The following PLCL1 variants were observed in gnomAD, a reference collection of about 807,000 sequenced individuals.
The protein encoded by PLCL1 is inactive phospholipase C-like protein 1.
Under a neutral mutation model 84.4 loss-of-function variants are expected in PLCL1, and 41 were observed. The observed-to-expected ratio is 0.49, with a 90% CI of 0.38 to 0.63. The LOEUF is 0.63. Among genes scored for constraint, PLCL1 ranks in the 30% least tolerant of loss-of-function variants. The pLI, the probability that PLCL1 is intolerant of heterozygous loss-of-function variation, is 0.00. For synonymous variants in PLCL1, 490 were observed against 488.3 expected (o/e 1.00, Z -0.05); for missense variants, 1,206 against 1,367.8 (o/e 0.88, Z 1.87).
intron 1 of PLCL1, among the ~76,000 whole-genome samples, chr2:198,019,452 A>G (rs541141371): frequency 7.9e-5 from 12 of 152,310 alleles, no homozygotes; most frequent in Non-Finnish European, 1.6e-4. Context: ...CTAAACAAGC[A>G]TGCTCTAACC....
At chr2:198,116,349 T>C (rs1693747863) in intron 5 of PLCL1, among the ~76,000 whole-genome samples, 1 of 151,782 alleles carries the variant, frequency 6.6e-6, no homozygotes, top group Admixed American at 6.6e-5. Flanking sequence ...TTTTGTAAAA[T>C]GATTTTGTAC....
chr2:198,138,444 G>A (rs1335055376), intron 5 of PLCL1, among the ~76,000 whole-genome samples: 1 of 151,922 alleles, frequency 6.6e-6, no homozygotes, highest in Non-Finnish European at 1.5e-5. Flanking sequence ...GCAACACCAG[G>A]GTTTACAATT....
intron 1 of PLCL1, among the ~76,000 whole-genome samples, chr2:197,918,389 C>T (rs528482982): frequency 1.3e-5 from 2 of 151,918 alleles, no homozygotes; most frequent in East Asian, 1.9e-4. Context: ...AGAAAGAGGG[C>T]GTTAGGCAAA....
At chr2:198,128,612 C>T (rs968800795) in intron 5 of PLCL1, among the ~76,000 whole-genome samples, 1 of 152,086 alleles carries the variant, frequency 6.6e-6, no homozygotes, top group African/African-American at 2.4e-5. Context: ...AGTGCAGGGT[C>T]TGCAAAACTT....
chr2:198,115,796 G>A (rs1278799492), intron 5 of PLCL1, among the ~76,000 whole-genome samples: 2 of 151,534 alleles, frequency 1.3e-5, no homozygotes, highest in Non-Finnish European at 3.0e-5. Context: ...CAGTATGGGG[G>A]AAACCACCCC....
intron 1 of PLCL1, among the ~76,000 whole-genome samples, chr2:197,953,137 C>G (rs1027343116): frequency 6.6e-6 from 1 of 152,046 alleles, no homozygotes; most frequent in East Asian, 1.9e-4. Flanking sequence ...AGATAACATA[C>G]AGAGAAGTTA....
intron 1 of PLCL1, among the ~76,000 whole-genome samples, chr2:197,916,042 G>A (rs1345351136): frequency 6.6e-6 from 1 of 152,208 alleles, no homozygotes; most frequent in Non-Finnish European, 1.5e-5. Context: ...ACTTGGAGAT[G>A]TTGAAACCTT....
chr2:198,128,241 G>A (rs1360450870), intron 5 of PLCL1, among the ~76,000 whole-genome samples: 1 of 152,130 alleles, frequency 6.6e-6, no homozygotes, highest in African/African-American at 2.4e-5. Flanking sequence ...AGGCCATGAT[G>A]GGAACCTGAT....
chr2:197,942,496 C>G (rs1329893050), intron 1 of PLCL1, among the ~76,000 whole-genome samples: 1 of 152,132 alleles, frequency 6.6e-6, no homozygotes, highest in Middle Eastern at 3.2e-3. Flanking sequence ...GCTAATTTCC[C>G]CCTGTAATTA....
intron 1 of PLCL1, among the ~76,000 whole-genome samples, chr2:197,874,924 C>A (rs1687708726): frequency 1.3e-5 from 2 of 152,036 alleles, no homozygotes; most frequent in South Asian, 4.1e-4. Context: ...TGAACTATAG[C>A]CATGTTCAAC....
intron 1 of PLCL1, among the ~76,000 whole-genome samples, chr2:197,896,645 G>A (rs1383503875): frequency 6.6e-6 from 1 of 152,000 alleles, no homozygotes; most frequent in African/African-American, 2.4e-5. Context: ...AGATCGACGT[G>A]GTTTTGGTAC....
chr2:197,846,363 G>T (rs1430458275), intron 1 of PLCL1, among the ~76,000 whole-genome samples: 2 of 152,122 alleles, frequency 1.3e-5, no homozygotes, highest in Non-Finnish European at 2.9e-5. Flanking sequence ...TGTTTAGGAG[G>T]CTCTGTATAG....
rs544950818 is a variant in PLCL1 at position 197,929,675 on chromosome 2, G to A, written c.240+124336G>A. 3.3e-5 allele frequency among the ~76,000 whole-genome samples: 5 copies of A among 152,214 alleles called. No homozygotes were observed. The South Asian group carries it at 8.3e-4, about 25-fold the overall frequency. ...TGTTTTGATTTTAGAACAGAGTACT[G>A]GACAGCTTCACATTTGGATTCTGGG... On this transcript the variant is annotated intron_variant, in intron 1 of 5. Coordinates refer to ENST00000428675, the MANE Select transcript of PLCL1 (RefSeq NM_006226.4).
At chr2:198,024,374 G>T (rs185170028) in intron 1 of PLCL1, among the ~76,000 whole-genome samples, 3 of 151,860 alleles carry the variant, frequency 2.0e-5, no homozygotes, top group Non-Finnish European at 4.4e-5. Flanking sequence ...TCTGCACATT[G>T]TATCTCAGAA....
At chr2:198,079,494 A>T (rs1023747903) in intron 1 of PLCL1, among the ~76,000 whole-genome samples, 16 of 152,048 alleles carry the variant, frequency 1.1e-4, no homozygotes, top group Admixed American at 9.2e-4. Context: ...ATAGCATAAG[A>T]TTAGATAGAA....
chr2:198,023,607 A>G (rs1417656763), intron 1 of PLCL1, among the ~76,000 whole-genome samples: 1 of 152,242 alleles, frequency 6.6e-6, no homozygotes, highest in African/African-American at 2.4e-5. Flanking sequence ...GACGCTTTTC[A>G]AAATAAGACA....
intron 2 of PLCL1, among the ~76,000 whole-genome samples, chr2:198,088,386 T>G (rs1184365983): frequency 6.6e-6 from 1 of 152,198 alleles, no homozygotes; most frequent in African/African-American, 2.4e-5. Flanking sequence ...CATGGACAAA[T>G]GTAGCTCTAC....
intron 1 of PLCL1, among the ~76,000 whole-genome samples, chr2:198,050,697 G>A (rs1691906047): frequency 6.6e-6 from 1 of 152,214 alleles, no homozygotes; most frequent in South Asian, 2.1e-4. Context: ...CAGTTGGCCA[G>A]TTTGACAGAT....
rs371887264 is a variant in PLCL1, at chr2:197,860,857, A to C, written c.240+55518A>C. Among the ~76,000 whole-genome samples, 11 of 152,276 alleles carry C rather than the reference A, an allele frequency of 7.2e-5. No individual in the cohort carries two copies. In the South Asian group the frequency reaches 2.1e-3, roughly 29 times the overall value. On this transcript the variant is annotated intron_variant, in intron 1 of 5. Coordinates refer to ENST00000428675, the MANE Select transcript of PLCL1 (RefSeq NM_006226.4). ...GTTGATAGTTTCTTTTGCTGTGCAG[A>C]AGCTCTTTAGTTTAATTAGATCCCA...
Sources: allele counts gnomAD v4.1 joint callset (sites outside exome capture counted in the v4.1 genomes callset), GRCh38; gene constraint gnomAD v4.1.1; transcripts MANE v1.5; gene names NCBI Gene and HGNC (gene_info 2026-07-23, HGNC 2026-07-21).